Variants in UVRAG observed in about 807,000 individuals in gnomAD.
The protein encoded by UVRAG is UV radiation resistance-associated gene protein.
A neutral mutation model predicts 78.0 loss-of-function variants in UVRAG; 19 were observed. The ratio of observed to expected loss-of-function variants is 0.24; its 90% confidence interval spans 0.17 to 0.36. The LOEUF (loss-of-function observed/expected upper bound fraction) is 0.36. Among genes scored for constraint, UVRAG ranks in the 10% least tolerant of loss-of-function variants. The pLI is 1.00. For synonymous variants in UVRAG, 323 were observed against 324.6 expected (o/e 1.00, Z 0.05); for missense variants, 740 against 853.8 (o/e 0.87, Z 1.66).
chr11:75,836,128 C>A (rs1207457576), intron 1 of UVRAG, among the ~76,000 whole-genome samples: 1 of 151,492 alleles, frequency 6.6e-6, no homozygotes, highest in Non-Finnish European at 1.5e-5. Context: ...CCACCTTCAA[C>A]AAATAGAAGT....
At chr11:75,864,013 C>T (rs1821631240) in intron 3 of UVRAG, among the ~76,000 whole-genome samples, 1 of 150,790 alleles carries the variant, frequency 6.6e-6, no homozygotes, top group Non-Finnish European at 1.5e-5. Context: ...GAGATTTTGG[C>T]AAGGATTCTT....
intron 8 of UVRAG, among the ~76,000 whole-genome samples, chr11:75,999,824 A>C (rs1423042734): frequency 6.6e-6 from 1 of 152,182 alleles, no homozygotes; most frequent in Non-Finnish European, 1.5e-5. Context: ...TGCTCTTTGG[A>C]GCATTTCAGA....
chr11:75,890,418 G>C (rs1262376893), intron 5 of UVRAG, among the ~76,000 whole-genome samples: 1 of 152,198 alleles, frequency 6.6e-6, no homozygotes, highest in Non-Finnish European at 1.5e-5. Flanking sequence ...ATTAGGACTT[G>C]CTGATGATTT....
intron 5 of UVRAG, chr11:75,911,492 A>T: frequency 5.7e-6 from 1 of 174,144 alleles, no homozygotes; most frequent in East Asian, 1.5e-4. Flanking sequence ...GATCCTTGTC[A>T]TCTTCTGTCA....
At chr11:76,024,571 T>G (rs1049543175) in intron 12 of UVRAG, among the ~76,000 whole-genome samples, 2 of 152,212 alleles carry the variant, frequency 1.3e-5, no homozygotes, top group African/African-American at 4.8e-5. Flanking sequence ...TGTCATATTA[T>G]AATTGATAGT....
intron 13 of UVRAG, among the ~76,000 whole-genome samples, chr11:76,071,544 G>A (rs1951308957): frequency 6.6e-6 from 1 of 152,116 alleles, no homozygotes; most frequent in Non-Finnish European, 1.5e-5. Context: ...GATTTGATAT[G>A]TTTTTTCCCA....
intron 9 of UVRAG, among the ~76,000 whole-genome samples, chr11:76,004,640 TTCATAGAC>T (rs879498045): frequency 6.6e-6 from 1 of 151,748 alleles, no homozygotes; most frequent in Non-Finnish European, 1.5e-5. Flanking sequence ...CATTCATTCA[TTCATAGAC>T]AGGGTCTCAC....
chr11:76,011,699 C>T (rs989395526), intron 11 of UVRAG, among the ~76,000 whole-genome samples: 22 of 152,114 alleles, frequency 1.4e-4, no homozygotes, highest in African/African-American at 5.3e-4. Flanking sequence ...ATTGAGTGTT[C>T]TGTGTATGTC....
intron 6 of UVRAG, among the ~76,000 whole-genome samples, chr11:75,939,158 C>T (rs945894072): frequency 2.6e-5 from 4 of 151,844 alleles, no homozygotes; most frequent in South Asian, 4.2e-4. Context: ...TGGCCAGATG[C>T]GGAATAAATT....
intron 1 of UVRAG, among the ~76,000 whole-genome samples, chr11:75,829,868 C>G (rs1945615191): frequency 6.6e-6 from 1 of 152,230 alleles, no homozygotes; most frequent in Admixed American, 6.5e-5. Context: ...GAGACGAAGT[C>G]TCACTCTGTT....
chr11:75,950,328 T>G (rs1331997131), intron 6 of UVRAG, among the ~76,000 whole-genome samples: 1 of 152,222 alleles, frequency 6.6e-6, no homozygotes, highest in African/African-American at 2.4e-5. Context: ...AGTGCAGTCA[T>G]AGCTCACTGT....
chr11:75,876,449 T>G (rs1946781768), intron 3 of UVRAG, among the ~76,000 whole-genome samples: 1 of 152,234 alleles, frequency 6.6e-6, no homozygotes, highest in Non-Finnish European at 1.5e-5. Flanking sequence ...CTTATTGTTG[T>G]CTTCACATTT....
intron 12 of UVRAG, among the ~76,000 whole-genome samples, chr11:76,022,098 A>G (rs1221172888): frequency 2.0e-5 from 3 of 152,026 alleles, no homozygotes; most frequent in African/African-American, 7.2e-5. Flanking sequence ...TGAATTTTCT[A>G]GTTTTCCTTT....
intron 6 of UVRAG, among the ~76,000 whole-genome samples, chr11:75,926,041 T>G (rs572583250): frequency 6.8e-4 from 103 of 150,444 alleles, no homozygotes; most frequent in African/African-American, 2.4e-3. Flanking sequence ...CAGTAAAAGT[T>G]TTTTTTTTTT....
intron 13 of UVRAG, among the ~76,000 whole-genome samples, chr11:76,084,970 G>T (rs533331218): frequency 6.7e-6 from 1 of 149,926 alleles, no homozygotes; most frequent in Non-Finnish European, 1.5e-5. Flanking sequence ...AGGCTGAGGC[G>T]TGAGAATTGC....
chr11:75,927,427 T>C (rs1948134826), intron 6 of UVRAG, among the ~76,000 whole-genome samples: 1 of 152,180 alleles, frequency 6.6e-6, no homozygotes, highest in Non-Finnish European at 1.5e-5. Flanking sequence ...GAGAGTAGAA[T>C]ATAATGATAG....
intron 13 of UVRAG, among the ~76,000 whole-genome samples, chr11:76,107,861 A>G (rs1294089759): frequency 3.9e-5 from 6 of 151,912 alleles, no homozygotes; most frequent in Non-Finnish European, 1.5e-5. Flanking sequence ...TTAAAAATGG[A>G]TTGAAATAGT....
In UVRAG at chr11:76,141,067, AAGG is replaced by A. The variant is rs553484615; in HGVS notation, c.1757_1759del (p.Gly586del). The A allele has an allele frequency of 1.6e-4, 255 of 1,614,162 alleles. 1 individual carries two copies. In the African/African-American group the frequency reaches 3.2e-3, roughly 20 times the overall value. ...GCGAATGTGCACCCTAGCCAAGAAC[AAGG>A]AGAAGCCCTCTCCGGGCACCGGGCC... On this transcript the variant is annotated inframe_deletion, in exon 15 of 15. Transcript: ENST00000356136.
At chr11:76,076,461 A>G (rs956679645) in intron 13 of UVRAG, among the ~76,000 whole-genome samples, 1 of 152,190 alleles carries the variant, frequency 6.6e-6, no homozygotes, top group Admixed American at 6.5e-5. Context: ...CTTATTCACT[A>G]TCACAAGAAC....
Sources: gnomAD v4.1 joint callset for allele counts (sites outside exome capture counted in the v4.1 genomes callset) on GRCh38, gnomAD v4.1.1 for gene constraint, MANE v1.5 for transcripts, NCBI Gene and HGNC (gene_info 2026-07-23, HGNC 2026-07-21) for gene names.